TDRD6: variants seen among roughly 807,000 people sequenced by gnomAD.
TDRD6 encodes tudor domain-containing protein 6.
TDRD6 carries 186 observed loss-of-function variants against 157.5 expected under a neutral mutation model. The ratio of observed to expected loss-of-function variants is 1.18; its 90% CI spans 1.05 to 1.33. TDRD6 has a LOEUF of 1.33. Ranked by LOEUF, TDRD6 falls within the 40% of genes most tolerant of loss-of-function variation. The pLI, the probability that TDRD6 is intolerant of heterozygous loss-of-function variation, is 0.00. For missense variants in TDRD6, 3,066 were observed against 2,508.0 expected (o/e 1.22, Z -4.75); for synonymous variants, 1,075 against 945.2 (o/e 1.14, Z -2.52).
Position 46,689,187 on chromosome 6 carries a change from A to G in TDRD6, c.1059A>G (p.Leu353=). The change falls in exon 1 of 4, where the codon TTA becomes TTG. Residue 353 remains leucine (L), a synonymous_variant. Coordinates refer to ENST00000316081, the MANE Select transcript of TDRD6 (RefSeq NM_001010870.3). ...ATGTGGACTATGGAAGGAAGGAGTT[A>G]GTGAGTTGCAGCAGCCTTCGGTACT... ...VLHVDYGRKE[L]VSCSSLRYLL... is the part of the protein sequence containing the mutation. 1.9e-6 allele frequency: 3 copies of G among 1,614,164 alleles called. No homozygotes were observed. Among genetic ancestry groups the G allele is most frequent in the Non-Finnish European group, 8.5e-7 (1 of 1,180,032 alleles).
upstream of TDRD6, among the ~76,000 whole-genome samples, chr6:46,684,930 T>C (rs1764054727): frequency 6.6e-6 from 1 of 152,188 alleles, no homozygotes; most frequent in Admixed American, 6.5e-5. Context: ...GTGATGCAGT[T>C]TATTCACATT....
In TDRD6 at chr6:46,689,488, G is replaced by A. The variant is rs201878062; in HGVS notation, c.1360G>A (p.Glu454Lys). 7.4e-6 allele frequency: 12 copies of A among 1,613,792 alleles called. No individual in the cohort carries two copies. Among genetic ancestry groups the A allele is most frequent in the South Asian group, 1.1e-5 (1 of 91,080 alleles). ...DRVLQSQATE[E>K]EEPETSQSQS... Reference sequence around the variant, plus strand: ...AGTCCTTCAGAGCCAGGCAACAGAGGAGGAGGAACCAGAAACATCTCAGTC... The same window carrying A: ...AGTCCTTCAGAGCCAGGCAACAGAGAAGGAGGAACCAGAAACATCTCAGTC... The change falls in exon 1 of 4, where the codon GAG (glutamate) becomes AAG (lysine). Residue 454 changes from glutamate to lysine, a missense_variant. Glu to Lys is a moderately conservative substitution (Grantham distance 56). Transcript: ENST00000316081.
rs115125386 is a variant in TDRD6 at position 46,696,414 on chromosome 6, G to A, written c.6171+469G>A. 8.0e-3 allele frequency among the ~76,000 whole-genome samples: 1,178 copies of A among 147,066 alleles called. 16 individuals are homozygous for A. The highest frequency in any genetic ancestry group is 0.028 in the African/African-American group (1,121 of 39,750). On this transcript the variant is annotated intron_variant, in intron 2 of 3. Transcript: ENST00000316081. ...GGAGCCTGTTGATCGTGTTTCTCCC[G>A]TGATTTGAAAACCACCTGTTCGAGA... is the stretch of plus-strand genomic sequence containing the variant.
At position 46,692,460 on chromosome 6, in the gene TDRD6, G is replaced by A. The variant is rs772732358; in HGVS notation, c.4332G>A (p.Glu1444=). 3 of 1,613,924 alleles carry A rather than the reference G, an allele frequency of 1.9e-6. No homozygotes were observed. Among genetic ancestry groups the A allele is most frequent in the Non-Finnish European group, 8.5e-7 (1 of 1,179,976 alleles). The change falls in exon 1 of 4, where the codon GAG becomes GAA. Residue 1444 remains glutamate, a synonymous_variant. Coordinates refer to ENST00000316081, the MANE Select transcript of TDRD6 (RefSeq NM_001010870.3). ...MMHYFSQRTS[E]AAIRCEFVKF... ...ATTACTTTTCCCAACGGACCAGCGA[G>A]GCTGCAATAAGATGTGAATTTGTTA...
chr6:46,702,342 C>T lies in TDRD6; in HGVS notation c.*455C>T, dbSNP rs1764645084. 6.6e-6 allele frequency: 1 copy of T among 152,410 alleles called. No individual in the cohort carries two copies. The highest frequency in any genetic ancestry group is 6.5e-5 in the Admixed American group (1 of 15,284). The allele number at this position is 152,410 out of a possible 1,614,324, so 9.4% of individuals were successfully genotyped here. A position where few individuals can be genotyped will look rare whatever the true frequency, so the allele number is the denominator to read the frequency against. On this transcript the variant is annotated 3_prime_UTR_variant, in exon 4 of 4. Coordinates refer to ENST00000316081, the MANE Select transcript of TDRD6 (RefSeq NM_001010870.3). ...TTGAATCTTTGCCTGTTTGTCTAAA[C>T]ATTTGACTAACATTCTGTTTGAATT...
Position 46,689,948 on chromosome 6 carries a change from C to T in TDRD6, c.1820C>T (p.Pro607Leu), listed in dbSNP as rs779579371. 7 of 1,613,884 alleles carry T rather than the reference C, an allele frequency of 4.3e-6. No individual in the cohort carries two copies. The highest frequency in any genetic ancestry group is 5.1e-6 in the Non-Finnish European group (6 of 1,179,990). Reference protein sequence around the residue: ...AVKCTLADIWPLGKTWSQEAV... With the variant: ...AVKCTLADIWLLGKTWSQEAV... ...AAGTGCACCCTGGCTGATATTTGGC[C>T]TTTGGGAAAAACTTGGAGCCAGGAG... Residue 607 changes from proline to leucine, a missense_variant, in exon 1 of 4, where the codon CCT becomes CTT. Pro to Leu is a moderately conservative substitution (Grantham distance 98, BLOSUM62 -3). Transcript: ENST00000316081.
At position 46,692,996 on chromosome 6, in the gene TDRD6, A is replaced by G. The variant is rs767301369; in HGVS notation, c.4868A>G (p.Glu1623Gly). Residue 1623 changes from glutamate (E) to glycine (G), a missense_variant, in exon 1 of 4, where the codon GAA (glutamate) becomes GGA (glycine). By Grantham distance (98) the Glu-to-Gly change is moderately conservative. Transcript: ENST00000316081. ...AAAGCACTCTGGGCCATTCCTTCTG[A>G]ACTTCTGTCGGTTCCCATGCAAGCC... The part of the protein sequence containing the change: ...DPKALWAIPS[E>G]LLSVPMQAFP... The G allele has an allele frequency of 6.2e-7, 1 of 1,612,616 alleles. No individual in the cohort carries two copies. Among genetic ancestry groups the G allele is most frequent in the Admixed American group, 1.7e-5 (1 of 59,836 alleles).
intron 1 of TDRD6, among the ~76,000 whole-genome samples, chr6:46,694,816 C>T (rs1033603668): frequency 4.6e-5 from 7 of 152,092 alleles, no homozygotes; most frequent in African/African-American, 1.7e-4. Flanking sequence ...ATGGTATTCC[C>T]TTGCCAAATT....
upstream of TDRD6, among the ~76,000 whole-genome samples, chr6:46,687,166 A>C (rs1449080412): frequency 6.6e-6 from 1 of 152,180 alleles, no homozygotes; most frequent in Non-Finnish European, 1.5e-5. Flanking sequence ...TTATCCTGTT[A>C]AGATTTTAGT....
chr6:46,690,456 CAG>C lies in TDRD6; in HGVS notation c.2331_2332del (p.Arg777SerfsTer5). ...ELEVGSTVEV[R>X]VSYVENPGYF... ...TGGAAGTTGGAAGTACAGTAGAAGT[CAG>C]AGTGTCTTATGTTGAAAACCCTGGC... On this transcript the variant is annotated frameshift_variant, in exon 1 of 4. Transcript: ENST00000316081. LOFTEE classifies it high-confidence loss of function. 1 of 1,614,122 alleles carries C rather than the reference CAG, an allele frequency of 6.2e-7. No individual in the cohort carries two copies. Among genetic ancestry groups the C allele is most frequent in the African/African-American group, 1.3e-5 (1 of 75,046 alleles).
rs752115815 is a variant in TDRD6 at position 46,689,940 on chromosome 6, T to C, written c.1812T>C (p.Asp604=). The change falls in exon 1 of 4, where the codon GAT becomes GAC. Residue 604 remains aspartate, a synonymous_variant. Coordinates refer to ENST00000316081, the MANE Select transcript of TDRD6 (RefSeq NM_001010870.3). Reference sequence around the variant, plus strand: ...TGGCTGTGAAGTGCACCCTGGCTGATATTTGGCCTTTGGGAAAAACTTGGA... The same window carrying C: ...TGGCTGTGAAGTGCACCCTGGCTGACATTTGGCCTTTGGGAAAAACTTGGA... ...PILAVKCTLA[D]IWPLGKTWSQ... 2 of 1,614,172 alleles carry C rather than the reference T, an allele frequency of 1.2e-6. No individual in the cohort carries two copies. Among genetic ancestry groups the C allele is most frequent in the Non-Finnish European group, 1.7e-6 (2 of 1,180,024 alleles).
chr6:46,692,401 G>T lies in TDRD6; in HGVS notation c.4273G>T (p.Val1425Phe), dbSNP rs1238346772. 5 of 1,614,128 alleles carry T rather than the reference G, an allele frequency of 3.1e-6. No homozygotes were observed. Among genetic ancestry groups the T allele is most frequent in the Admixed American group, 1.7e-5 (1 of 60,006 alleles). The change falls in exon 1 of 4, where the codon GTT becomes TTT. Residue 1425 changes from valine (V) to phenylalanine (F), a missense_variant. Coordinates refer to ENST00000316081, the MANE Select transcript of TDRD6 (RefSeq NM_001010870.3). ...CIHCSLQGFEVPDNKNSKKMM... is the reference protein window; with the variant it reads ...CIHCSLQGFEFPDNKNSKKMM... ...TCATTGCTCCTTGCAGGGATTTGAG[G>T]TTCCTGACAATAAAAATTCTAAGAA...
chr6:46,692,768 T>G lies in TDRD6; in HGVS notation c.4640T>G (p.Leu1547Ter), dbSNP rs764741702. Residue 1547 changes from leucine (L) to a stop codon, truncating the protein, a stop_gained, in exon 1 of 4, where the codon TTA becomes TGA. Transcript: ENST00000316081. LOFTEE classifies it high-confidence loss of function. ...QFADTEKLQC[L>*]EVEVQTAGEQ... is the part of the protein sequence containing the mutation. ...GCTGATACGGAGAAACTTCAGTGTT[T>G]AGAAGTAGAAGTACAGACTGCTGGA... 2 of 1,613,560 alleles carry G rather than the reference T, an allele frequency of 1.2e-6. No homozygotes were observed. Among genetic ancestry groups the G allele is most frequent in the East Asian group, 2.2e-5 (1 of 44,870 alleles).
chr6:46,693,307 G>A lies in TDRD6; in HGVS notation c.5179G>A (p.Val1727Ile), dbSNP rs778222583. The A allele has an allele frequency of 1.9e-6, 3 of 1,608,030 alleles. No homozygotes were observed. The South Asian group carries it at 3.3e-5, about 18-fold the overall frequency. The change falls in exon 1 of 4, where the codon GTA (valine) becomes ATA (isoleucine). Residue 1727 changes from valine to isoleucine, a missense_variant. Physicochemically the swap from Val to Ile is conservative, Grantham distance 29. Coordinates refer to ENST00000316081, the MANE Select transcript of TDRD6 (RefSeq NM_001010870.3). The part of the protein sequence containing the change: ...KQTLGSYNLD[V>I]GLKKLSNKAV... Reference sequence around the variant, plus strand: ...GACTCTTGGGTCCTACAATCTTGATGTAGGACTTAAGAAATTAAGTAATAA... The same window carrying A: ...GACTCTTGGGTCCTACAATCTTGATATAGGACTTAAGAAATTAAGTAATAA...
At chr6:46,695,537 G>A (rs1764467661) in intron 1 of TDRD6, among the ~76,000 whole-genome samples, 1 of 151,976 alleles carries the variant, frequency 6.6e-6, no homozygotes, top group Non-Finnish European at 1.5e-5. Flanking sequence ...TGTCTTAATA[G>A]TACCATATTT....
rs756559048 is a variant in TDRD6, at chr6:46,693,063, A to G, written c.4935A>G (p.Leu1645=). 20 of 1,613,878 alleles carry G rather than the reference A, an allele frequency of 1.2e-5. No homozygotes were observed. The highest frequency in any genetic ancestry group is 2.2e-5 in the East Asian group (1 of 44,892). ...CAGGGTTTAACATTTCAGAAGGATT[A>G]TGTTCTCAAGAGGGAAATGACTATT... The part of the protein sequence containing the change: ...CLSGFNISEG[L]CSQEGNDYFY... Residue 1645 remains leucine (L), a synonymous_variant, in exon 1 of 4, where the codon TTA becomes TTG. Coordinates refer to ENST00000316081, the MANE Select transcript of TDRD6 (RefSeq NM_001010870.3).
chr6:46,696,581 G>GTATATATA lies in TDRD6; in HGVS notation c.6171+650_6171+657dup, dbSNP rs1554181450. The stretch of plus-strand genomic sequence containing the variant: ...TGTGTGTGTGTGTGTGTGTGTGTGT[G>GTATATATA]TATATATATATATATATATATTTTT... On this transcript the variant is annotated intron_variant, in intron 2 of 3. Coordinates refer to ENST00000316081, the MANE Select transcript of TDRD6 (RefSeq NM_001010870.3). 5.2e-3 allele frequency among the ~76,000 whole-genome samples: 180 copies of GTATATATA among 34,878 alleles called. 2 individuals carry two copies. Among genetic ancestry groups the GTATATATA allele is most frequent in the Non-Finnish European group, 6.1e-3 (138 of 22,468 alleles). 22.9% of individuals were successfully genotyped at this position (34,878 alleles called of 152,430 possible).
chr6:46,682,149 A>G, the TDRD6 span, among the ~76,000 whole-genome samples: 1 of 152,092 alleles, frequency 6.6e-6, no homozygotes, highest in Admixed American at 6.5e-5. Context: ...CATCATATAA[A>G]GTATAATACA....
intron 3 of TDRD6, among the ~76,000 whole-genome samples, 169 bp downstream of exon 3, chr6:46,698,256 G>T (rs1306298373): frequency 6.6e-6 from 1 of 152,168 alleles, no homozygotes; most frequent in Non-Finnish European, 1.5e-5. Flanking sequence ...CTTATGCCAA[G>T]TATTCTTCTG....
Sources: allele counts gnomAD v4.1 joint callset (sites outside exome capture counted in the v4.1 genomes callset), GRCh38; gene constraint gnomAD v4.1.1; transcripts MANE v1.5; gene names NCBI Gene and HGNC (gene_info 2026-07-23, HGNC 2026-07-21).